Variants in SLC37A1 observed in about 807,000 individuals in gnomAD.
SLC37A1 encodes solute carrier family 37 member 1, also known as glucose-6-phosphate exchanger SLC37A1.
A neutral mutation model predicts 75.3 loss-of-function variants in SLC37A1; 49 were observed. The observed-to-expected ratio is 0.65, with a 90% CI of 0.52 to 0.83. The LOEUF (loss-of-function observed/expected upper bound fraction) is 0.83. SLC37A1 is among the 40% of genes least tolerant of loss of function. SLC37A1 has a pLI of 0.00. For synonymous variants in SLC37A1, 268 were observed against 292.1 expected (o/e 0.92, Z 0.84); for missense variants, 566 against 695.0 (o/e 0.81, Z 2.09).
chr21:42,580,067 C>T (rs1367646877), intron 19 of SLC37A1, among the ~76,000 whole-genome samples: 1 of 152,152 alleles, frequency 6.6e-6, no homozygotes, highest in African/African-American at 2.4e-5. Flanking sequence ...CCCGAGCTCT[C>T]CTTGCCTTCC....
chr21:42,509,490 G>A (rs894682859), upstream of SLC37A1: 4 of 152,242 alleles, frequency 2.6e-5, no homozygotes, highest in Non-Finnish European at 5.9e-5. This position sits in a 1 kb window ranked among gnomAD's most constrained non-coding sequence, Gnocchi z 4.2. Flanking sequence ...CATGGGGAGG[G>A]GGCCGTGGCC....
At chr21:42,525,150 C>G (rs774742433) in intron 2 of SLC37A1, among the ~76,000 whole-genome samples, 3 of 152,252 alleles carry the variant, frequency 2.0e-5, no homozygotes, top group Non-Finnish European at 4.4e-5. Context: ...GCTCCCTGCC[C>G]CATACCTCGC....
chr21:42,537,346 C>A (rs189211261), intron 5 of SLC37A1, among the ~76,000 whole-genome samples: 7 of 152,330 alleles, frequency 4.6e-5, no homozygotes, highest in Non-Finnish European at 7.3e-5. Context: ...GGCTGCCAGA[C>A]CTTCTCCACT....
At position 42,574,596 on chromosome 21, in the gene SLC37A1, A is replaced by G. The variant is rs376524103; in HGVS notation, c.1424-222A>G. Among the ~76,000 whole-genome samples the G allele has an allele frequency of 6.6e-5, 10 of 152,276 alleles. 1 individual carries two copies. The highest frequency in any genetic ancestry group is 1.9e-4 in the East Asian group (1 of 5,178). On this transcript the variant is annotated intron_variant, in intron 17 of 19. Coordinates refer to ENST00000352133, the MANE Select transcript of SLC37A1 (RefSeq NM_001320537.2). ...GAGTGTCAGCACTCAAAAAGTTACA[A>G]ATTCTGGAGATTTTGGATTTCAGGT...
chr21:42,526,078 T>G (rs1356879641), intron 3 of SLC37A1: 2 of 477,516 alleles, frequency 4.2e-6, no homozygotes, highest in Admixed American at 7.5e-5. Flanking sequence ...ACTTTTAGTT[T>G]TATTAGTTGA....
intron 10 of SLC37A1, 62 bp from the exon 11 acceptor site, chr21:42,558,896 T>C: frequency 6.2e-7 from 1 of 1,608,054 alleles, no homozygotes; most frequent in Middle Eastern, 2.0e-4. Context: ...CTGGCCCCAC[T>C]TCACCCAGAC....
chr21:42,559,782 G>A (rs919672847), intron 11 of SLC37A1, among the ~76,000 whole-genome samples: 2 of 151,932 alleles, frequency 1.3e-5, no homozygotes, highest in Admixed American at 6.6e-5. Context: ...AGGCTGAGGC[G>A]GGAGAATCGC....
Position 42,580,570 on chromosome 21 carries a change from G to T in SLC37A1, c.*210G>T. The T allele has an allele frequency of 1.7e-6, 1 of 590,966 alleles. No individual in the cohort carries two copies. The highest frequency in any genetic ancestry group is 2.9e-6 in the Non-Finnish European group (1 of 342,418). 36.6% of individuals were successfully genotyped at this position (590,966 alleles called of 1,614,324 possible). A position where few individuals can be genotyped will look rare whatever the true frequency, so the allele number is the denominator to read the frequency against. On this transcript the variant is annotated 3_prime_UTR_variant, in exon 20 of 20. Transcript: ENST00000352133. ...TGAACAGCAGTGAGAAAAGTCTGCA[G>T]GAACTGCTGCCTGAGCCAAGCCAGA... is the stretch of plus-strand genomic sequence containing the variant.
At chr21:42,578,227 C>T (rs915839478) in intron 18 of SLC37A1, among the ~76,000 whole-genome samples, 15 of 152,198 alleles carry the variant, frequency 9.9e-5, no homozygotes, top group African/African-American at 1.4e-4. Context: ...GACTGCCTGG[C>T]GCACGACCGA....
chr21:42,574,731 G>C (rs1274260636), intron 17 of SLC37A1, 87 bp from the exon 18 acceptor site: 2 of 1,242,486 alleles, frequency 1.6e-6, no homozygotes, highest in African/African-American at 3.0e-5. Flanking sequence ...TGTGAGTGAG[G>C]TGTTGAGCCC....
chr21:42,568,304 A>T, intron 16 of SLC37A1, 56 bp from the exon 17 acceptor site: 1 of 1,398,172 alleles, frequency 7.2e-7, no homozygotes, highest in Non-Finnish European at 1.0e-6. Flanking sequence ...ACAGAGGCTT[A>T]GGTTTACTTC....
At chr21:42,569,987 T>G (rs796966094) in intron 17 of SLC37A1, among the ~76,000 whole-genome samples, 38 of 149,366 alleles carry the variant, frequency 2.5e-4, no homozygotes, top group African/African-American at 5.2e-4. Flanking sequence ...GTTCTGGCCT[T>G]GTTCTGAGAA....
At chr21:42,515,767 A>T (rs8128366) in intron 1 of SLC37A1, among the ~76,000 whole-genome samples, 43,304 of 152,002 alleles carry the variant, frequency 0.28, 9,390 homozygotes, top group African/African-American at 0.61. Flanking sequence ...CTATCTTTTT[A>T]TATTTTTTTA....
intron 4 of SLC37A1, 34 bp from the exon 5 acceptor site, chr21:42,535,438 T>G: frequency 4.0e-5 from 62 of 1,566,520 alleles, no homozygotes; most frequent in Non-Finnish European, 5.2e-5. Context: ...TAAACAATAC[T>G]GAGCTTGTCC....
chr21:42,518,401 A>G lies in SLC37A1; in HGVS notation c.-54A>G, dbSNP rs1265621023. On this transcript the variant is annotated 5_prime_UTR_variant, in exon 2 of 20. Coordinates refer to ENST00000352133, the MANE Select transcript of SLC37A1 (RefSeq NM_001320537.2). ...GATCTGGAGCCAGGATTAATGACTC[A>G]TTTATGAAGCATCTTATTCTGCGAC... The G allele has an allele frequency of 1.2e-6, 2 of 1,610,094 alleles. No individual in the cohort carries two copies. The highest frequency in any genetic ancestry group is 2.7e-5 in the African/African-American group (2 of 74,840).
chr21:42,580,739 A>C lies in SLC37A1; in HGVS notation c.*379A>C. On this transcript the variant is annotated 3_prime_UTR_variant, in exon 20 of 20. Transcript: ENST00000352133. Reference sequence around the variant, plus strand: ...CAGGCATTCCAGCCACAGAACATCAAAGTGAGCGAGTACTGCGCTGGCTGT... The same window carrying C: ...CAGGCATTCCAGCCACAGAACATCACAGTGAGCGAGTACTGCGCTGGCTGT... 3.1e-6 allele frequency: 1 copy of C among 323,270 alleles called. No homozygotes were observed. 20.0% of individuals were successfully genotyped at this position (323,270 alleles called of 1,614,324 possible).
chr21:42,557,139 C>T (rs889023920), intron 10 of SLC37A1, among the ~76,000 whole-genome samples: 1 of 152,230 alleles, frequency 6.6e-6, no homozygotes, highest in Non-Finnish European at 1.5e-5. Context: ...GGGTGCGCTT[C>T]TCCTGGCTAA....
chr21:42,530,727 C>A (rs1308795445), intron 3 of SLC37A1, among the ~76,000 whole-genome samples: 1 of 151,176 alleles, frequency 6.6e-6, no homozygotes, highest in Non-Finnish European at 1.5e-5. Context: ...TTCAGTGAGG[C>A]CTGAATCCCC....
chr21:42,521,481 T>C (rs760609294), intron 2 of SLC37A1, among the ~76,000 whole-genome samples: 1 of 152,260 alleles, frequency 6.6e-6, no homozygotes, highest in Non-Finnish European at 1.5e-5. Context: ...AGTGTTTCTT[T>C]ATTCCTTATT....
Sources: allele counts gnomAD v4.1 joint callset (sites outside exome capture counted in the v4.1 genomes callset), GRCh38; gene constraint gnomAD v4.1.1; non-coding constraint Gnocchi (gnomAD v3.1); transcripts MANE v1.5; gene names NCBI Gene and HGNC (gene_info 2026-07-23, HGNC 2026-07-21).